ZNF827: variants seen among roughly 807,000 people sequenced by gnomAD.
The protein encoded by ZNF827 is zinc finger protein 827.
In ZNF827, 13 loss-of-function variants were observed where a neutral mutation model predicts 102.4. The observed-to-expected ratio is 0.13, with a 90% confidence interval of 0.08 to 0.20. The LOEUF is 0.20. ZNF827 is among the 10% of genes least tolerant of loss of function. The pLI is 1.00. For missense variants in ZNF827, 1,103 were observed against 1,344.4 expected (o/e 0.82, Z 2.81); for synonymous variants, 523 against 536.2 (o/e 0.98, Z 0.34).
chr4:145,926,343 A>G (rs1371723200), intron 1 of ZNF827, among the ~76,000 whole-genome samples: 1 of 152,346 alleles, frequency 6.6e-6, no homozygotes, highest in East Asian at 1.9e-4. Flanking sequence ...AATTGCCTCA[A>G]TAACTAATTT....
At chr4:145,919,249 T>C (rs1374860878) in intron 1 of ZNF827, among the ~76,000 whole-genome samples, 1 of 152,166 alleles carries the variant, frequency 6.6e-6, no homozygotes, top group Non-Finnish European at 1.5e-5. Flanking sequence ...TAAGATCCTG[T>C]CTCAAAAATT....
chr4:145,777,875 T>C lies in ZNF827; in HGVS notation c.2521+1499A>G, dbSNP rs188667298. On this transcript the variant is annotated intron_variant, in intron 9 of 14. Transcript: ENST00000508784. ...GAAGTGTTCTCTATTTCATTCCTTT[T>C]AGATGTCTGTTATTTGAATTTTTAT... Among the ~76,000 whole-genome samples the C allele has an allele frequency of 3.3e-4, 51 of 152,310 alleles. No homozygotes were observed. In the East Asian group the frequency reaches 6.9e-3, roughly 21 times the overall value.
chr4:145,914,715 TC>T (rs1222602160), intron 1 of ZNF827, among the ~76,000 whole-genome samples: 1 of 152,210 alleles, frequency 6.6e-6, no homozygotes. Context: ...AAATTAACAT[TC>T]CCTTAACAAC....
chr4:145,868,156 G>T (rs1000898026), intron 5 of ZNF827, among the ~76,000 whole-genome samples: 3 of 152,096 alleles, frequency 2.0e-5, no homozygotes, highest in Non-Finnish European at 4.4e-5. Flanking sequence ...CATGCCTATT[G>T]TTATGACTAA....
chr4:145,778,535 C>T (rs1027912615), intron 9 of ZNF827, among the ~76,000 whole-genome samples: 2 of 152,080 alleles, frequency 1.3e-5, no homozygotes, highest in Non-Finnish European at 2.9e-5. Flanking sequence ...TCACTTGAAC[C>T]CGGGAGGCAG....
chr4:145,930,784 G>A (rs1028271154), intron 1 of ZNF827, among the ~76,000 whole-genome samples: 6 of 152,120 alleles, frequency 3.9e-5, no homozygotes, highest in African/African-American at 9.7e-5. Context: ...TCGTGGGCGC[G>A]TATCACTGTG....
At chr4:145,905,668 T>A (rs1751798912) in intron 1 of ZNF827, among the ~76,000 whole-genome samples, 1 of 152,176 alleles carries the variant, frequency 6.6e-6, no homozygotes, top group Admixed American at 6.5e-5. Flanking sequence ...AACATCAATT[T>A]CAACAATAGG....
At chr4:145,919,714 A>G (rs1370322573) in intron 1 of ZNF827, among the ~76,000 whole-genome samples, 1 of 152,262 alleles carries the variant, frequency 6.6e-6, no homozygotes, top group Non-Finnish European at 1.5e-5. Context: ...TCTCTCCCAT[A>G]CATGGTGGTC....
At chr4:145,882,156 T>C (rs2126806958) in intron 4 of ZNF827, among the ~76,000 whole-genome samples, 1 of 152,290 alleles carries the variant, frequency 6.6e-6, no homozygotes, top group South Asian at 2.1e-4. Flanking sequence ...ACCTTTTCCC[T>C]GAACACCCTA....
intron 8 of ZNF827, among the ~76,000 whole-genome samples, chr4:145,809,759 G>T (rs1474858453): frequency 2.0e-5 from 3 of 152,012 alleles, no homozygotes; most frequent in Non-Finnish European, 1.5e-5. Flanking sequence ...GGTGGACTCA[G>T]CACATGAGGA....
chr4:145,851,897 T>C (rs1746572023), intron 5 of ZNF827, among the ~76,000 whole-genome samples: 1 of 152,252 alleles, frequency 6.6e-6, no homozygotes, highest in Middle Eastern at 3.2e-3. Flanking sequence ...CCTGGAGAAC[T>C]GATCTTCCTC....
chr4:145,891,822 A>T lies in ZNF827; in HGVS notation c.1266+421T>A, dbSNP rs147127097. On this transcript the variant is annotated intron_variant, in intron 3 of 14. Coordinates refer to ENST00000508784, the MANE Select transcript of ZNF827 (RefSeq NM_001306215.2). ...GGGTAAGGCAGTAACAGCCAAGGGC[A>T]GTCTCTCCAGGAAGGGGAGCAGGTT... Among the ~76,000 whole-genome samples the T allele has an allele frequency of 4.8e-3, 728 of 152,292 alleles. 2 individuals carry two copies. Among genetic ancestry groups the T allele is most frequent in the Non-Finnish European group, 8.1e-3 (553 of 68,022 alleles).
At chr4:145,852,136 G>C (rs1424278394) in intron 5 of ZNF827, among the ~76,000 whole-genome samples, 2 of 152,060 alleles carry the variant, frequency 1.3e-5, no homozygotes, top group African/African-American at 2.4e-5. Flanking sequence ...AGAATACTAG[G>C]ACAAATACAA....
intron 8 of ZNF827, among the ~76,000 whole-genome samples, chr4:145,796,810 T>A (rs1157513680): frequency 6.6e-6 from 1 of 152,070 alleles, no homozygotes; most frequent in Non-Finnish European, 1.5e-5. Flanking sequence ...TTTGTATTTT[T>A]AGTAGAGATG....
At chr4:145,800,495 A>G (rs1453886256) in intron 8 of ZNF827, among the ~76,000 whole-genome samples, 1 of 151,998 alleles carries the variant, frequency 6.6e-6, no homozygotes, top group African/African-American at 2.4e-5. Context: ...CTAAGACTAC[A>G]GACTCCTGAG....
chr4:145,783,165 G>A (rs943160337), intron 8 of ZNF827, among the ~76,000 whole-genome samples: 6 of 152,092 alleles, frequency 3.9e-5, no homozygotes. Context: ...CCTTCCCTGG[G>A]GTAAAGGTTT....
chr4:145,772,259 G>A (rs1736407524), intron 11 of ZNF827, among the ~76,000 whole-genome samples: 1 of 152,160 alleles, frequency 6.6e-6, no homozygotes. Context: ...TCCAGGTGCT[G>A]AGATACAGCA....
chr4:145,907,425 A>G (rs1751957303), intron 1 of ZNF827, among the ~76,000 whole-genome samples: 1 of 152,328 alleles, frequency 6.6e-6, no homozygotes, highest in African/African-American at 2.4e-5. Context: ...TAAATCTAGA[A>G]GATGAATTTG....
chr4:145,862,613 C>A (rs537351704), intron 5 of ZNF827, among the ~76,000 whole-genome samples: 5 of 152,276 alleles, frequency 3.3e-5, no homozygotes, highest in African/African-American at 1.2e-4. Flanking sequence ...TGGTCACATT[C>A]ACTGTAAGTC....
Sources: allele counts gnomAD v4.1 joint callset (sites outside exome capture counted in the v4.1 genomes callset), GRCh38; gene constraint gnomAD v4.1.1; transcripts MANE v1.5; gene names NCBI Gene and HGNC (gene_info 2026-07-23, HGNC 2026-07-21).